Variants in KAZN observed in about 807,000 individuals in gnomAD.
KAZN encodes the protein kazrin.
In KAZN, 40 loss-of-function variants were observed where a neutral mutation model predicts 87.4. The observed-to-expected ratio is 0.46, with a 90% CI of 0.36 to 0.60. The LOEUF (loss-of-function observed/expected upper bound fraction) is 0.60. KAZN is among the 20% of genes least tolerant of loss of function. KAZN has a pLI of 0.00. For synonymous variants in KAZN, 466 were observed against 458.3 expected (o/e 1.02, Z -0.22); for missense variants, 898 against 1,073.9 (o/e 0.84, Z 2.29).
chr1:14,674,649 G>T (rs1640109763), intron 1 of KAZN, among the ~76,000 whole-genome samples: 1 of 152,244 alleles, frequency 6.6e-6, no homozygotes, highest in Non-Finnish European at 1.5e-5. Flanking sequence ...ACTCTGGGAT[G>T]CTGCTATTGA....
intron 1 of KAZN, among the ~76,000 whole-genome samples, chr1:13,984,171 C>T (rs952010067): frequency 6.6e-6 from 1 of 152,086 alleles, no homozygotes; most frequent in Admixed American, 6.6e-5. Context: ...CCACCATGCC[C>T]GGCTAATTTT....
At chr1:14,579,421 T>G (rs1207749953) in intron 2 of KAZN, among the ~76,000 whole-genome samples, 1 of 151,938 alleles carries the variant, frequency 6.6e-6, no homozygotes, top group Non-Finnish European at 1.5e-5. Flanking sequence ...GTCAGGAGAT[T>G]GAGACCACCC....
intron 2 of KAZN, among the ~76,000 whole-genome samples, chr1:14,427,108 A>G (rs777023403): frequency 2.0e-5 from 3 of 152,236 alleles, no homozygotes; most frequent in Non-Finnish European, 4.4e-5. Flanking sequence ...GGAAGCCCCA[A>G]GGCAGAACTG....
intron 2 of KAZN, among the ~76,000 whole-genome samples, chr1:14,251,548 G>C (rs1199980608): frequency 6.6e-6 from 1 of 150,650 alleles, no homozygotes; most frequent in African/African-American, 2.5e-5. Context: ...CTTTCTGGAA[G>C]TTTCCTTCAG....
chr1:14,501,150 C>T (rs1023458603), intron 2 of KAZN, among the ~76,000 whole-genome samples: 4 of 151,234 alleles, frequency 2.6e-5, no homozygotes, highest in Non-Finnish European at 4.4e-5. Context: ...TAAAAGCCCA[C>T]AATTAACATG....
At chr1:14,475,897 G>A (rs753659443) in intron 2 of KAZN, among the ~76,000 whole-genome samples, 4 of 152,070 alleles carry the variant, frequency 2.6e-5, no homozygotes, top group Admixed American at 2.6e-4. Context: ...CCTTCGGAAG[G>A]TTACTTGTCA....
chr1:14,406,722 G>C (rs1478562692), intron 2 of KAZN, among the ~76,000 whole-genome samples: 1 of 152,126 alleles, frequency 6.6e-6, no homozygotes, highest in Non-Finnish European at 1.5e-5. Flanking sequence ...AAATAAACAA[G>C]TATTAATCTC....
chr1:14,632,801 C>A (rs1679666703), intron 1 of KAZN, among the ~76,000 whole-genome samples: 1 of 152,162 alleles, frequency 6.6e-6, no homozygotes, highest in African/African-American at 2.4e-5. Context: ...TGATGCTCTT[C>A]TTCCACACTG....
upstream of KAZN, chr1:14,598,582 C>A (rs1415548911): frequency 5.9e-6 from 5 of 849,342 alleles, no homozygotes; most frequent in Non-Finnish European, 7.2e-6. This position sits in a 1 kb window ranked among gnomAD's most constrained non-coding sequence, Gnocchi z 4.2. Context: ...AGTACGGGGG[C>A]GCGGGAGGCC....
At chr1:14,475,618 C>T (rs751511225) in intron 2 of KAZN, among the ~76,000 whole-genome samples, 53 of 152,102 alleles carry the variant, frequency 3.5e-4, no homozygotes, top group Non-Finnish European at 7.2e-4. Flanking sequence ...AATGATGGAG[C>T]GTGGGAAGTG....
At chr1:14,397,771 G>A (rs1663023291) in intron 2 of KAZN, among the ~76,000 whole-genome samples, 2 of 146,322 alleles carry the variant, frequency 1.4e-5, no homozygotes, top group Admixed American at 1.4e-4. Context: ...TGAGATAGGA[G>A]AATCACTTGA....
rs141551659 is a variant in KAZN at position 14,153,972 on chromosome 1, G to T, written c.92-26463G>T. 1.2e-4 allele frequency among the ~76,000 whole-genome samples: 19 copies of T among 152,076 alleles called. No individual in the cohort carries two copies. In the East Asian group the frequency reaches 3.1e-3, roughly 25 times the overall value. ...AGTTTTGTTCTTTTTGCTTATAATAGTTTTGGCCATTCTGGGTCTTTTGTG... is the reference window on the plus strand; with the variant it reads ...AGTTTTGTTCTTTTTGCTTATAATATTTTTGGCCATTCTGGGTCTTTTGTG... On this transcript the variant is annotated intron_variant, in intron 1 of 16. Coordinates refer to the KAZN transcript ENST00000636203.
At chr1:14,843,510 AG>A (rs1648281295) in intron 1 of KAZN, among the ~76,000 whole-genome samples, 1 of 152,152 alleles carries the variant, frequency 6.6e-6, no homozygotes, top group Non-Finnish European at 1.5e-5. Flanking sequence ...GGCTCATTAG[AG>A]GAGATGACCT....
At chr1:14,576,850 A>C (rs1240793820) in intron 2 of KAZN, among the ~76,000 whole-genome samples, 1 of 152,254 alleles carries the variant, frequency 6.6e-6, no homozygotes, top group African/African-American at 2.4e-5. Context: ...CAAGGTGTCC[A>C]ATGGGAAAAG....
At chr1:15,104,236 C>T (rs1557802378) in intron 13 of KAZN, 47 bp downstream of exon 13, 3 of 1,488,932 alleles carry the variant, frequency 2.0e-6, no homozygotes, top group African/African-American at 2.8e-5. Context: ...GGGTACAGTA[C>T]AGCTCAGGGC....
At chr1:13,983,979 T>A (rs144516627) in intron 1 of KAZN, among the ~76,000 whole-genome samples, 3 of 152,204 alleles carry the variant, frequency 2.0e-5, no homozygotes, top group African/African-American at 7.2e-5. Context: ...TAGAAATTAC[T>A]TGTTTGGGGC....
chr1:14,295,741 C>T lies in KAZN; in HGVS notation c.249+115149C>T, dbSNP rs190144911. Among the ~76,000 whole-genome samples, 7 of 152,320 alleles carry T rather than the reference C, an allele frequency of 4.6e-5. No homozygotes were observed. The East Asian group carries it at 1.2e-3, about 25-fold the overall frequency. On this transcript the variant is annotated intron_variant, in intron 2 of 16. Transcript: ENST00000636203. Reference sequence around the variant, plus strand: ...TTCCCAAACATTTTTGAGATCTCAGCTCACTTTCTCAGGGATTCCTTCCTG... The same window carrying T: ...TTCCCAAACATTTTTGAGATCTCAGTTCACTTTCTCAGGGATTCCTTCCTG...
At chr1:14,824,697 T>C (rs1275074714) in intron 1 of KAZN, among the ~76,000 whole-genome samples, 2 of 152,146 alleles carry the variant, frequency 1.3e-5, no homozygotes, top group Admixed American at 1.3e-4. Flanking sequence ...ATCATCATCG[T>C]CATCATCATC....
At chr1:14,942,400 C>A (rs575114869) in intron 1 of KAZN, among the ~76,000 whole-genome samples, 111 of 152,288 alleles carry the variant, frequency 7.3e-4, no homozygotes, top group African/African-American at 2.5e-3. Flanking sequence ...GAGAGTAGGG[C>A]AGGAGAAGGC....
Sources: gnomAD v4.1 joint callset for allele counts (sites outside exome capture counted in the v4.1 genomes callset) on GRCh38, gnomAD v4.1.1 for gene constraint, Gnocchi (gnomAD v3.1) non-coding constraint, MANE v1.5 for transcripts, NCBI Gene and HGNC (gene_info 2026-07-23, HGNC 2026-07-21) for gene names.